Variants in HMGA1 observed in about 807,000 individuals in gnomAD.
The protein encoded by HMGA1 is high mobility group protein HMG-I/HMG-Y.
A neutral mutation model predicts 15.1 loss-of-function variants in HMGA1; 1 was observed. The ratio of observed to expected loss-of-function variants is 0.07; its 90% CI spans 0.02 to 0.31. The LOEUF (loss-of-function observed/expected upper bound fraction) is 0.31, where lower values mean the gene tolerates loss of function less well. Among genes scored for constraint, HMGA1 ranks in the 10% least tolerant of loss-of-function variants. The pLI, the probability that HMGA1 is intolerant of heterozygous loss-of-function variation, is 1.00. For missense variants in HMGA1, 94 were observed against 141.4 expected, an observed-to-expected ratio of 0.66 and a Z score of 1.70; for synonymous variants, 56 against 54.8, an observed-to-expected ratio of 1.02 and a Z score of -0.10.
chr6:34,242,832 C>T, intron 4 of HMGA1, 37 bp downstream of exon 4: 1 of 1,467,182 alleles, frequency 6.8e-7, no homozygotes. Flanking sequence ...GGGTGGATGA[C>T]TAGCAGAGGA....
chr6:34,244,291 C>T (rs187688782), intron 5 of HMGA1, among the ~76,000 whole-genome samples: 11 of 152,216 alleles, frequency 7.2e-5, no homozygotes, highest in Admixed American at 1.3e-4. Flanking sequence ...CCGACATTCC[C>T]GCCCAGTGAG....
intron 2 of HMGA1, 59 bp from the exon 3 acceptor site, chr6:34,240,678 A>AG: frequency 1.5e-6 from 2 of 1,334,728 alleles, no homozygotes; most frequent in Non-Finnish European, 2.1e-6. Flanking sequence ...GTGGGTGATG[A>AG]GGGGGTAGAA....
intron 2 of HMGA1, among the ~76,000 whole-genome samples, chr6:34,238,548 C>T (rs545945712): frequency 1.0e-3 from 157 of 152,294 alleles, no homozygotes; most frequent in African/African-American, 3.2e-3. Flanking sequence ...AGGGCCTTTC[C>T]TGCAGAGTCC....
rs967127881 is a variant in HMGA1 at position 34,244,945 on chromosome 6, T to A, written c.*61T>A. The A allele has an allele frequency of 1.0e-5, 16 of 1,548,142 alleles. No individual in the cohort carries two copies. The highest frequency in any genetic ancestry group is 1.7e-6 in the Non-Finnish European group (2 of 1,145,844). On this transcript the variant is annotated 3_prime_UTR_variant, in exon 6 of 6. Coordinates refer to ENST00000311487, the MANE Select transcript of HMGA1 (RefSeq NM_145899.3). ...GCTTCCTTCTGGGACTGGACAGCTT[T>A]GCTCCGCTCCCACCGCCCCCACCCC...
At chr6:34,237,911 C>T (rs1761940862) in intron 2 of HMGA1, among the ~76,000 whole-genome samples, 1 of 152,114 alleles carries the variant, frequency 6.6e-6, no homozygotes, top group Admixed American at 6.5e-5. Context: ...GGGGCTTCAC[C>T]CCGACCCCAC....
chr6:34,242,734 C>A lies in HMGA1; in HGVS notation c.158C>A (p.Thr53Lys). ...CAGAAGGAGCCCAGCGAAGTGCCAA[C>A]ACCTAAGAGACCTCGGGGCCGACCA... The part of the protein sequence containing the change: ...GSQKEPSEVP[T>K]PKRPRGRPKG... The change falls in exon 4 of 6, where the codon ACA becomes AAA. Residue 53 changes from threonine (T) to lysine (K), a missense_variant. Transcript: ENST00000311487. 2 of 1,589,392 alleles carry A rather than the reference C, an allele frequency of 1.3e-6. No individual in the cohort carries two copies. The highest frequency in any genetic ancestry group is 1.7e-6 in the Non-Finnish European group (2 of 1,166,204).
At chr6:34,239,695 G>GTT (rs1479251777) in intron 2 of HMGA1, among the ~76,000 whole-genome samples, 1 of 48,964 alleles carries the variant, frequency 2.0e-5, no homozygotes, top group Non-Finnish European at 8.9e-5. Flanking sequence ...TAAGGACTAG[G>GTT]ATGAAGATGT....
At chr6:34,237,084 G>A (rs1301213528) in intron 1 of HMGA1, 120 bp from the exon 2 acceptor site, 1 of 151,972 alleles carries the variant, frequency 6.6e-6, no homozygotes, top group Non-Finnish European at 1.5e-5. Flanking sequence ...ATCCTTCGGG[G>A]GAGGGGGAAT....
chr6:34,242,220 G>A (rs530315609), intron 3 of HMGA1, among the ~76,000 whole-genome samples: 1 of 152,324 alleles, frequency 6.6e-6, no homozygotes, highest in Non-Finnish European at 1.5e-5. Flanking sequence ...AGGTTTGCAA[G>A]TGCAGGCAGG....
At chr6:34,242,990 T>TG (rs1237212001) in intron 4 of HMGA1, among the ~76,000 whole-genome samples, 195 bp downstream of exon 4, 1 of 151,972 alleles carries the variant, frequency 6.6e-6, no homozygotes, top group Non-Finnish European at 1.5e-5. Context: ...GTCTTACTTC[T>TG]GGGGGGTTGG....
Position 34,243,476 on chromosome 6 carries a change from C to T in HMGA1, c.228C>T (p.Thr76=). ...TTTCTCTAACCCTCTAGAAAACCAC[C>T]ACAACTCCAGGAAGGAAACCAAGGG... ...NKGAAKTRKT[T]TTPGRKPRGR... is the part of the protein sequence containing the mutation. Residue 76 remains threonine, a synonymous_variant, in exon 5 of 6, where the codon ACC becomes ACT. Coordinates refer to ENST00000311487, the MANE Select transcript of HMGA1 (RefSeq NM_145899.3). 7 of 1,613,340 alleles carry T rather than the reference C, an allele frequency of 4.3e-6. No individual in the cohort carries two copies.
At chr6:34,242,042 C>T (rs970342931) in intron 3 of HMGA1, among the ~76,000 whole-genome samples, 13 of 152,248 alleles carry the variant, frequency 8.5e-5, no homozygotes, top group African/African-American at 2.9e-4. Flanking sequence ...CCATGGGCGG[C>T]CCCCTAGGAA....
chr6:34,241,211 C>T (rs1274321329), intron 3 of HMGA1, among the ~76,000 whole-genome samples: 3 of 152,174 alleles, frequency 2.0e-5, no homozygotes, highest in Non-Finnish European at 4.4e-5. Flanking sequence ...GTGCTTAAAA[C>T]ACTCGCCTTT....
Position 34,244,868 on chromosome 6 carries a change from C to T in HMGA1, c.308C>T (p.Ser103Leu), listed in dbSNP as rs1406047178. ...GAGGAGGGCATCTCGCAGGAGTCCT[C>T]GGAGGAGGAGCAGTGACCCATGCGT... ...EEEEGISQES[S>L]EEEQ is the part of the protein sequence containing the mutation. Residue 103 changes from serine (S) to leucine (L), a missense_variant, in exon 6 of 6, where the codon TCG (serine) becomes TTG (leucine). Coordinates refer to ENST00000311487, the MANE Select transcript of HMGA1 (RefSeq NM_145899.3). 6.4e-7 allele frequency: 1 copy of T among 1,564,928 alleles called. No homozygotes were observed. Among genetic ancestry groups the T allele is most frequent in the Admixed American group, 1.9e-5 (1 of 52,572 alleles).
chr6:34,245,059 C>G lies in HMGA1; in HGVS notation c.*175C>G, dbSNP rs940773178. On this transcript the variant is annotated 3_prime_UTR_variant, in exon 6 of 6. Coordinates refer to ENST00000311487, the MANE Select transcript of HMGA1 (RefSeq NM_145899.3). ...CCACCACACTACACAGCACACCAGC[C>G]GCTGCAGGGCTCCCATGGGCTGAGT... 2 of 1,535,196 alleles carry G rather than the reference C, an allele frequency of 1.3e-6. No homozygotes were observed. The highest frequency in any genetic ancestry group is 8.8e-7 in the Non-Finnish European group (1 of 1,140,976).
chr6:34,238,261 G>C (rs1156818685), intron 2 of HMGA1, among the ~76,000 whole-genome samples: 1 of 152,010 alleles, frequency 6.6e-6, no homozygotes, highest in Non-Finnish European at 1.5e-5. Flanking sequence ...CCCTCCCCCC[G>C]CGCGCCCTGG....
At position 34,240,838 on chromosome 6, in the gene HMGA1, G is replaced by C. The variant is rs373699947; in HGVS notation, c.58G>C (p.Gly20Arg). Residue 20 changes from glycine (G) to arginine (R), a missense_variant, in exon 3 of 6, where the codon GGC (glycine) becomes CGC (arginine). Physicochemically the swap from Gly to Arg is moderately radical, Grantham distance 125. Transcript: ENST00000311487. Reference protein sequence around the residue: ...QPLASKQEKDGTEKRGRGRPR... With the variant: ...QPLASKQEKDRTEKRGRGRPR... ...CTTGGCCTCCAAGCAGGAAAAGGAC[G>C]GCACTGAGAAGCGGGGCCGGGGCAG... 2 of 1,613,156 alleles carry C rather than the reference G, an allele frequency of 1.2e-6. No homozygotes were observed. Among genetic ancestry groups the C allele is most frequent in the Non-Finnish European group, 1.7e-6 (2 of 1,179,878 alleles).
chr6:34,244,644 TC>T (rs1159318100), intron 5 of HMGA1, among the ~76,000 whole-genome samples, 186 bp from the exon 6 acceptor site: 1 of 152,032 alleles, frequency 6.6e-6, no homozygotes, highest in Admixed American at 6.5e-5. Flanking sequence ...TGGGGTTTTT[TC>T]CTCCTTTTAA....
chr6:34,241,697 A>G (rs1477047507), intron 3 of HMGA1, among the ~76,000 whole-genome samples: 1 of 152,216 alleles, frequency 6.6e-6, no homozygotes, highest in East Asian at 1.9e-4. Context: ...GCTGTCACCC[A>G]AGTGAAGGGT....
Sources: allele counts gnomAD v4.1 joint callset (sites outside exome capture counted in the v4.1 genomes callset), GRCh38; gene constraint gnomAD v4.1.1; transcripts MANE v1.5; gene names NCBI Gene and HGNC (gene_info 2026-07-23, HGNC 2026-07-21).